NEURL3: variants seen among roughly 807,000 people sequenced by gnomAD.
NEURL3 encodes neuralized E3 ubiquitin protein ligase 3, also known as E3 ubiquitin-protein ligase NEURL3.
NEURL3 carries 19 observed loss-of-function variants against 17.6 expected under a neutral mutation model. The observed-to-expected ratio is 1.08, with a 90% CI of 0.75 to 1.58. NEURL3 has a LOEUF of 1.58. Ranked by LOEUF, NEURL3 falls within the 40% of genes most tolerant of loss-of-function variation. The pLI is 0.00. For missense variants in NEURL3, 342 were observed against 379.6 expected (o/e 0.90, Z 0.82); for synonymous variants, 180 against 161.4 (o/e 1.11, Z -0.87).
chr2:96,501,713 G>C (rs1054822056), intron 1 of NEURL3, among the ~76,000 whole-genome samples: 1 of 152,054 alleles, frequency 6.6e-6, no homozygotes, highest in East Asian at 1.9e-4. Context: ...GCACCTCACT[G>C]AGCAGCCCTT....
chr2:96,505,261 G>A lies in NEURL3; in HGVS notation c.26C>T (p.Ala9Val), dbSNP rs775335303. MGAQLCFE[A>V]NAKAPREALR... The stretch of plus-strand genomic sequence containing the variant: ...AGGCTTGCAGGAGGTCTACTTACTG[G>A]CCTCGAAGCAGAGCTGGGCACCCAT... Residue 9 changes from alanine (A) to valine (V), a missense_variant and splice_region_variant, in exon 1 of 4, where the codon GCC becomes GTC. Coordinates refer to ENST00000451794, the MANE Select transcript of NEURL3 (RefSeq NM_001285485.2). The A allele has an allele frequency of 6.3e-7, 1 of 1,599,090 alleles. No individual in the cohort carries two copies.
chr2:96,500,186 C>A, intron 2 of NEURL3: 1 of 551,240 alleles, frequency 1.8e-6, no homozygotes, highest in Non-Finnish European at 3.2e-6. Flanking sequence ...GACACTCTAA[C>A]AGGTGTTTGA....
chr2:96,501,031 C>T (rs1357230345), intron 1 of NEURL3, 107 bp from the exon 2 acceptor site: 40 of 1,340,496 alleles, frequency 3.0e-5, no homozygotes, highest in Non-Finnish European at 3.9e-5. Flanking sequence ...AGCACCTTGA[C>T]CTTCCCCTAG....
chr2:96,500,293 A>C (rs1347141924), intron 2 of NEURL3, 146 bp downstream of exon 2: 2 of 1,199,856 alleles, frequency 1.7e-6, no homozygotes, highest in African/African-American at 3.0e-5. Flanking sequence ...TGGCGTCTCC[A>C]GTGCCCATCT....
At chr2:96,507,216 A>G (rs2065568219), upstream of NEURL3, among the ~76,000 whole-genome samples, 1 of 152,088 alleles carries the variant, frequency 6.6e-6, no homozygotes, top group Admixed American at 6.5e-5. Flanking sequence ...TTCCCCCTTT[A>G]GCCAATCACT....
rs1241279949 is a variant in NEURL3, at chr2:96,498,193, G to T, written c.*51C>A. On this transcript the variant is annotated 3_prime_UTR_variant, in exon 4 of 4. Coordinates refer to ENST00000451794, the MANE Select transcript of NEURL3 (RefSeq NM_001285485.2). The surrounding 1 kb of genome is among the most constrained non-coding windows in gnomAD (Gnocchi z 4.4). ...CTGCGCCTCCTTCCTCTCTGCAGGGGCCAGACTCAGATCTAGGCCCGGGCT... is the reference window on the plus strand; with the variant it reads ...CTGCGCCTCCTTCCTCTCTGCAGGGTCCAGACTCAGATCTAGGCCCGGGCT... 2.0e-6 allele frequency: 3 copies of T among 1,475,950 alleles called. No homozygotes were observed. The highest frequency in any genetic ancestry group is 2.7e-6 in the Non-Finnish European group (3 of 1,108,032). 91.4% of individuals were successfully genotyped at this position (1,475,950 alleles called of 1,614,324 possible).
At chr2:96,500,252 C>T (rs1408655868) in intron 2 of NEURL3, 187 bp downstream of exon 2, 9 of 748,846 alleles carry the variant, frequency 1.2e-5, no homozygotes, top group Non-Finnish European at 1.7e-5. Context: ...AGGGACAAGA[C>T]TGCCCTCCCT....
intron 1 of NEURL3, among the ~76,000 whole-genome samples, chr2:96,504,235 G>A (rs2065539122): frequency 6.6e-6 from 1 of 151,552 alleles, no homozygotes; most frequent in Non-Finnish European, 1.5e-5. Flanking sequence ...AGGGTGTCAG[G>A]CACCCATAAG....
In NEURL3 at chr2:96,497,989, T is replaced by A; in HGVS notation, c.*255A>T. ...ACTGATTGGGGATTGGGCCACCCCA[T>A]CTCTAAACAAAGCACCCCATCAGAA... On this transcript the variant is annotated 3_prime_UTR_variant, in exon 4 of 4. Transcript: ENST00000451794. The A allele has an allele frequency of 2.0e-6, 1 of 498,220 alleles. No individual in the cohort carries two copies. Among genetic ancestry groups the A allele is most frequent in the East Asian group, 3.5e-5 (1 of 28,888 alleles). 30.9% of individuals were successfully genotyped at this position (498,220 alleles called of 1,614,324 possible).
intron 2 of NEURL3, 25 bp from the exon 3 acceptor site, chr2:96,499,474 T>C: frequency 4.4e-6 from 7 of 1,597,602 alleles, no homozygotes; most frequent in Non-Finnish European, 5.9e-6. Context: ...GAAACTCAGG[T>C]CCAGGACGGC....
chr2:96,502,885 TGAG>T (rs774173604), intron 1 of NEURL3, among the ~76,000 whole-genome samples: 5 of 152,218 alleles, frequency 3.3e-5, no homozygotes, highest in Admixed American at 6.5e-5. Context: ...CTAGGGTTGA[TGAG>T]GAGTTCTCCC....
chr2:96,507,016 G>A (rs1243684654), upstream of NEURL3, among the ~76,000 whole-genome samples: 4 of 152,188 alleles, frequency 2.6e-5, no homozygotes, highest in Non-Finnish European at 5.9e-5. Context: ...TTCAGGACAT[G>A]CCACCCCAAA....
chr2:96,503,422 A>C (rs2065529566), intron 1 of NEURL3, among the ~76,000 whole-genome samples: 1 of 152,154 alleles, frequency 6.6e-6, no homozygotes, highest in Admixed American at 6.5e-5. Context: ...GCATCTAAGC[A>C]GCCTCCTCTG....
chr2:96,505,301 C>T lies in NEURL3; in HGVS notation c.-15G>A, dbSNP rs751555241. 8 of 1,598,972 alleles carry T rather than the reference C, an allele frequency of 5.0e-6. No homozygotes were observed. The highest frequency in any genetic ancestry group is 2.2e-5 in the East Asian group (1 of 44,896). ...TGGGCACCCATCAGTCTAAGGTCCTCGGGCACAGGTCCCCAGGTCTAGAAG... is the reference window on the plus strand; with the variant it reads ...TGGGCACCCATCAGTCTAAGGTCCTTGGGCACAGGTCCCCAGGTCTAGAAG... On this transcript the variant is annotated 5_prime_UTR_variant, in exon 1 of 4. Coordinates refer to ENST00000451794, the MANE Select transcript of NEURL3 (RefSeq NM_001285485.2).
chr2:96,498,110 C>T lies in NEURL3; in HGVS notation c.*134G>A, dbSNP rs1270584127. The stretch of plus-strand genomic sequence containing the variant: ...AGACAGCACCTCCCTGCCTTCCTCT[C>T]TCTGCCGCACCTCTTGCTAATCAGC... On this transcript the variant is annotated 3_prime_UTR_variant, in exon 4 of 4. Transcript: ENST00000451794. This position sits in a 1 kb window ranked among gnomAD's most constrained non-coding sequence, Gnocchi z 4.4. 5 of 929,226 alleles carry T rather than the reference C, an allele frequency of 5.4e-6. No homozygotes were observed. Among genetic ancestry groups the T allele is most frequent in the African/African-American group, 1.7e-5 (1 of 59,704 alleles). The allele number at this position is 929,226 out of a possible 1,614,324, so 57.6% of individuals were successfully genotyped here.
At chr2:96,500,411 C>T in intron 2 of NEURL3, 28 bp downstream of exon 2, 1 of 1,596,132 alleles carries the variant, frequency 6.3e-7, no homozygotes, top group South Asian at 1.1e-5. Context: ...TCCCCACCTC[C>T]CCTGCGGGGT....
At chr2:96,503,928 GC>G (rs1042217311) in intron 1 of NEURL3, among the ~76,000 whole-genome samples, 1 of 152,248 alleles carries the variant, frequency 6.6e-6, no homozygotes, top group Non-Finnish European at 1.5e-5. Flanking sequence ...CCTAGAGGCA[GC>G]CGCTCTTTCT....
In NEURL3 at chr2:96,500,482, G is replaced by C. The variant is rs906229649; in HGVS notation, c.471C>G (p.Ala157=). ...EGVPVGAPLW[A]VMDVYGTTKA... The stretch of plus-strand genomic sequence containing the variant: ...TAGTGGTCCCATACACGTCCATCAC[G>C]GCCCAGAGCGGGGCGCCGACGGGCA... Residue 157 remains alanine (A), a synonymous_variant, in exon 2 of 4, where the codon GCC becomes GCG. Coordinates refer to ENST00000451794, the MANE Select transcript of NEURL3 (RefSeq NM_001285485.2). The C allele has an allele frequency of 1.9e-6, 3 of 1,596,260 alleles. No homozygotes were observed. The highest frequency in any genetic ancestry group is 1.3e-5 in the African/African-American group (1 of 75,010).
chr2:96,500,748 C>G lies in NEURL3; in HGVS notation c.205G>C (p.Glu69Gln). 1 of 1,523,278 alleles carries G rather than the reference C, an allele frequency of 6.6e-7. No individual in the cohort carries two copies. The allele number at this position is 1,523,278 out of a possible 1,614,324, so 94.4% of individuals were successfully genotyped here. A position where few individuals can be genotyped will look rare whatever the true frequency, so the allele number is the denominator to read the frequency against. ...ERVALRVLRE[E>Q]SGWCGGLRVG... ...CGGAGGCCGCCGCACCAGCCGCTCTCCTCCCGCAGCACTCGCAGCGCCACA... is the reference window on the plus strand; with the variant it reads ...CGGAGGCCGCCGCACCAGCCGCTCTGCTCCCGCAGCACTCGCAGCGCCACA... Residue 69 changes from glutamate to glutamine, a missense_variant, in exon 2 of 4, where the codon GAG (glutamate) becomes CAG (glutamine). Coordinates refer to ENST00000451794, the MANE Select transcript of NEURL3 (RefSeq NM_001285485.2).
Sources: allele counts gnomAD v4.1 joint callset (sites outside exome capture counted in the v4.1 genomes callset), GRCh38; gene constraint gnomAD v4.1.1; non-coding constraint Gnocchi (gnomAD v3.1); transcripts MANE v1.5; gene names NCBI Gene and HGNC (gene_info 2026-07-23, HGNC 2026-07-21).